Variants in LUZP2 observed in about 807,000 individuals in gnomAD.
The protein encoded by LUZP2 is leucine zipper protein 2.
In LUZP2, 52 loss-of-function variants were observed where a neutral mutation model predicts 51.6. The observed-to-expected ratio is 1.01, with a 90% CI of 0.81 to 1.27. LUZP2 has a LOEUF of 1.27. LUZP2 is among the 50% of genes most tolerant of loss of function. The pLI is 0.00. For synonymous variants in LUZP2, 154 were observed against 137.3 expected, an observed-to-expected ratio of 1.12 and a Z score of -0.85; for missense variants, 436 against 395.4, an observed-to-expected ratio of 1.10 and a Z score of -0.87.
intron 1 of LUZP2, among the ~76,000 whole-genome samples, chr11:24,640,592 T>G (rs1267101683): frequency 1.3e-5 from 2 of 151,936 alleles, no homozygotes. Flanking sequence ...AGATAAATGT[T>G]TGGCACATAA....
chr11:25,036,929 A>G (rs745504103), intron 9 of LUZP2, among the ~76,000 whole-genome samples: 7 of 152,088 alleles, frequency 4.6e-5, no homozygotes, highest in East Asian at 1.9e-4. Flanking sequence ...TGTATATCCT[A>G]TGGTTGTTGA....
intron 1 of LUZP2, among the ~76,000 whole-genome samples, chr11:24,508,761 C>A (rs1402678166): frequency 6.6e-6 from 1 of 152,114 alleles, no homozygotes; most frequent in Non-Finnish European, 1.5e-5. Context: ...AACAGTACTA[C>A]AAATTTGTCT....
At chr11:25,077,601 A>G (rs766569351) in intron 11 of LUZP2, among the ~76,000 whole-genome samples, 195 bp downstream of exon 11, 28 of 151,420 alleles carry the variant, frequency 1.8e-4, no homozygotes, top group Non-Finnish European at 3.8e-4. Flanking sequence ...CAGGGCTCAC[A>G]CCATTCTCCT....
chr11:24,785,953 A>C (rs1590523444), intron 5 of LUZP2: 1 of 985,178 alleles, frequency 1.0e-6, no homozygotes, highest in African/African-American at 1.7e-5. Flanking sequence ...GCAGTCACCA[A>C]ATGTAATTAT....
chr11:24,552,488 TATC>T (rs1177785375), intron 1 of LUZP2, among the ~76,000 whole-genome samples: 2 of 151,990 alleles, frequency 1.3e-5, no homozygotes, highest in Non-Finnish European at 2.9e-5. Context: ...TAAACAATAT[TATC>T]TAGACTTTCA....
chr11:24,926,223 G>T (rs1277921160), intron 7 of LUZP2, among the ~76,000 whole-genome samples: 4 of 145,660 alleles, frequency 2.7e-5, no homozygotes, highest in African/African-American at 1.0e-4. Flanking sequence ...ATATATATAC[G>T]TGTATATATA....
intron 10 of LUZP2, among the ~76,000 whole-genome samples, chr11:25,062,575 G>A (rs1412884721): frequency 1.1e-5 from 1 of 95,080 alleles, no homozygotes; most frequent in Non-Finnish European, 1.9e-5. Flanking sequence ...ATGTGACAGA[G>A]CAAGACCCTG....
chr11:24,850,062 A>AT, intron 5 of LUZP2, among the ~76,000 whole-genome samples: 1 of 152,110 alleles, frequency 6.6e-6, no homozygotes, highest in East Asian at 1.9e-4. Context: ...TTTTCCTCCC[A>AT]TTCTGTAGGT....
chr11:24,634,175 A>G (rs1383209646), intron 1 of LUZP2, among the ~76,000 whole-genome samples: 1 of 152,052 alleles, frequency 6.6e-6, no homozygotes, highest in African/African-American at 2.4e-5. Flanking sequence ...ATATGAGTTC[A>G]TGTATGACTT....
At chr11:24,921,601 T>C (rs1214079950) in intron 7 of LUZP2, among the ~76,000 whole-genome samples, 1 of 152,196 alleles carries the variant, frequency 6.6e-6, no homozygotes, top group African/African-American at 2.4e-5. Flanking sequence ...GTTTGGGGGT[T>C]ATTTTTTATT....
chr11:24,790,722 G>T (rs117795162), intron 5 of LUZP2, among the ~76,000 whole-genome samples: 2 of 151,928 alleles, frequency 1.3e-5, no homozygotes, highest in Non-Finnish European at 2.9e-5. Flanking sequence ...GGTTAGTCTC[G>T]TACTCCTGAC....
At chr11:24,747,143 G>T (rs1036729689) in intron 4 of LUZP2, among the ~76,000 whole-genome samples, 1 of 152,156 alleles carries the variant, frequency 6.6e-6, no homozygotes, top group African/African-American at 2.4e-5. Flanking sequence ...TATTACCAGT[G>T]TTGGTCTTCT....
At chr11:24,707,050 G>A (rs1387445588) in intron 1 of LUZP2, among the ~76,000 whole-genome samples, 1 of 150,134 alleles carries the variant, frequency 6.7e-6, no homozygotes, top group Non-Finnish European at 1.5e-5. Flanking sequence ...AAAGAGAGAA[G>A]AAAAAAGTAT....
At chr11:24,713,752 G>T (rs1857932905) in intron 1 of LUZP2, among the ~76,000 whole-genome samples, 1 of 131,660 alleles carries the variant, frequency 7.6e-6, no homozygotes, top group African/African-American at 2.8e-5. Context: ...GCAGTAGCAT[G>T]ATCTCTGCCT....
intron 1 of LUZP2, among the ~76,000 whole-genome samples, chr11:24,595,893 C>T (rs1853429180): frequency 6.6e-6 from 1 of 152,166 alleles, no homozygotes; most frequent in African/African-American, 2.4e-5. Flanking sequence ...CAGACTGAGA[C>T]ATGGAGTCAA....
chr11:24,497,441 G>C, intron 1 of LUZP2, 136 bp downstream of exon 1: 1 of 526,570 alleles, frequency 1.9e-6, no homozygotes, highest in Non-Finnish European at 3.1e-6. Context: ...ACGCTGTATG[G>C]TTTGGGCTCT....
At chr11:24,865,742 GTGTA>G (rs953029803) in intron 5 of LUZP2, among the ~76,000 whole-genome samples, 49 of 137,356 alleles carry the variant, frequency 3.6e-4, no homozygotes, top group African/African-American at 1.3e-3. Context: ...GTGTGTGTGT[GTGTA>G]TATATATTTA....
intron 1 of LUZP2, among the ~76,000 whole-genome samples, chr11:24,657,191 C>T (rs1031034565): frequency 8.6e-5 from 13 of 151,994 alleles, no homozygotes; most frequent in African/African-American, 3.1e-4. Context: ...ATAATGGAGG[C>T]ATGATTTGGA....
chr11:24,987,458 C>T (rs142468017), intron 9 of LUZP2, among the ~76,000 whole-genome samples: 1 of 151,950 alleles, frequency 6.6e-6, no homozygotes, highest in African/African-American at 2.4e-5. Context: ...TGCAGATAAA[C>T]AGCAATGAAA....
Sources: gnomAD v4.1 joint callset for allele counts (sites outside exome capture counted in the v4.1 genomes callset) on GRCh38, gnomAD v4.1.1 for gene constraint, MANE v1.5 for transcripts, NCBI Gene and HGNC (gene_info 2026-07-23, HGNC 2026-07-21) for gene names.